Variants in FAM184B observed in about 807,000 individuals in gnomAD.
The protein encoded by FAM184B is family with sequence similarity 184 member B, also known as protein FAM184B.
In FAM184B, 111 loss-of-function variants were observed where a neutral mutation model predicts 135.9. The observed-to-expected ratio is 0.82, with a 90% CI of 0.70 to 0.96. The LOEUF (loss-of-function observed/expected upper bound fraction) is 0.96, where lower values mean the gene tolerates loss of function less well. FAM184B is among the 40% of genes least tolerant of loss of function. FAM184B has a pLI of 0.00. For synonymous variants in FAM184B, 552 were observed against 524.8 expected (o/e 1.05, Z -0.71); for missense variants, 1,375 against 1,323.9 (o/e 1.04, Z -0.60).
chr4:17,734,201 C>A (rs373778006), intron 1 of FAM184B, among the ~76,000 whole-genome samples: 3 of 152,044 alleles, frequency 2.0e-5, no homozygotes, highest in East Asian at 1.9e-4. Flanking sequence ...TAAAGACTTA[C>A]ATGTTAGACC....
intron 1 of FAM184B, among the ~76,000 whole-genome samples, chr4:17,764,341 A>G (rs1304187917): frequency 6.6e-6 from 1 of 152,088 alleles, no homozygotes; most frequent in Admixed American, 6.5e-5. Context: ...ACCTCTTTGC[A>G]CTCCACAAGA....
chr4:17,769,456 A>G (rs1191287519), intron 1 of FAM184B, among the ~76,000 whole-genome samples: 6 of 152,088 alleles, frequency 3.9e-5, no homozygotes, highest in African/African-American at 1.4e-4. Flanking sequence ...TTTATTTTAC[A>G]ACTCTGGTTC....
intron 1 of FAM184B, among the ~76,000 whole-genome samples, chr4:17,774,027 G>A (rs1196089410): frequency 6.6e-6 from 1 of 152,212 alleles, no homozygotes; most frequent in African/African-American, 2.4e-5. Flanking sequence ...GAATCCCTGG[G>A]TAGGAGGGAT....
chr4:17,702,003 G>C lies in FAM184B; in HGVS notation c.1377+2997C>G, dbSNP rs1230410721. On this transcript the variant is annotated intron_variant, in intron 5 of 17. Transcript: ENST00000265018. The stretch of plus-strand genomic sequence containing the variant: ...CACATGTCTAGTGGCTTCCGTATTA[G>C]ATAGCTCAGTCAGTTCTCCAGGCAA... 2.0e-5 allele frequency among the ~76,000 whole-genome samples: 3 copies of C among 152,166 alleles called. No individual in the cohort carries two copies. The East Asian group carries it at 5.8e-4, about 29-fold the overall frequency.
intron 10 of FAM184B, among the ~76,000 whole-genome samples, chr4:17,654,000 C>T (rs375246864): frequency 3.4e-5 from 3 of 87,922 alleles, no homozygotes; most frequent in African/African-American, 9.2e-5. Flanking sequence ...GGAACTCAGG[C>T]GGCCTCTAGA....
intron 6 of FAM184B, among the ~76,000 whole-genome samples, chr4:17,691,790 TG>T (rs749161784): frequency 7.3e-5 from 11 of 151,620 alleles, no homozygotes; most frequent in Non-Finnish European, 1.6e-4. Flanking sequence ...AAAGAATGAC[TG>T]GGCCTGTAAT....
At chr4:17,668,058 T>G (rs1172837546) in intron 7 of FAM184B, among the ~76,000 whole-genome samples, 1 of 152,228 alleles carries the variant, frequency 6.6e-6, no homozygotes, top group Non-Finnish European at 1.5e-5. Flanking sequence ...AGCTCCGTGA[T>G]GAAGGATGCC....
chr4:17,664,807 ATG>A, intron 7 of FAM184B, 148 bp from the exon 8 acceptor site: 1 of 636,478 alleles, frequency 1.6e-6, no homozygotes, highest in Non-Finnish European at 2.7e-6. Context: ...CTTGCAGGGG[ATG>A]CCAAGGCTTG....
At chr4:17,770,354 T>C (rs1312045103) in intron 1 of FAM184B, among the ~76,000 whole-genome samples, 1 of 152,200 alleles carries the variant, frequency 6.6e-6, no homozygotes, top group African/African-American at 2.4e-5. Context: ...GCTCCGACTA[T>C]GGTGGAGGTG....
intron 1 of FAM184B, among the ~76,000 whole-genome samples, chr4:17,759,983 C>A (rs950098132): frequency 3.3e-5 from 5 of 152,164 alleles, no homozygotes; most frequent in Non-Finnish European, 7.3e-5. Flanking sequence ...GTGGCAGCCG[C>A]TGATGTGATT....
chr4:17,733,185 C>A (rs1327297630), intron 1 of FAM184B, among the ~76,000 whole-genome samples: 2 of 152,036 alleles, frequency 1.3e-5, no homozygotes, highest in Non-Finnish European at 2.9e-5. Flanking sequence ...TGGGACGTAT[C>A]TCAAAATAAT....
chr4:17,763,097 T>G (rs1560195642), intron 1 of FAM184B, among the ~76,000 whole-genome samples: 1 of 152,210 alleles, frequency 6.6e-6, no homozygotes, highest in Non-Finnish European at 1.5e-5. Context: ...GCCCATTTTG[T>G]TCAGTGCTAG....
intron 13 of FAM184B, 41 bp downstream of exon 13, chr4:17,642,015 G>A: frequency 6.7e-7 from 1 of 1,499,010 alleles, no homozygotes; most frequent in Non-Finnish European, 8.8e-7. Flanking sequence ...CGGGGTAGGG[G>A]GTGAGGGTGG....
At chr4:17,775,482 G>C (rs768395356) in intron 1 of FAM184B, among the ~76,000 whole-genome samples, 36 of 152,194 alleles carry the variant, frequency 2.4e-4, no homozygotes, top group Non-Finnish European at 4.4e-4. Context: ...ACTGAGCCCA[G>C]CTAGAATAGG....
chr4:17,652,975 C>T lies in FAM184B; in HGVS notation c.2046G>A (p.Glu682=). The T allele has an allele frequency of 6.4e-7, 1 of 1,551,636 alleles. No homozygotes were observed. Among genetic ancestry groups the T allele is most frequent in the South Asian group, 1.2e-5 (1 of 84,060 alleles). Residue 682 remains glutamate (E), a synonymous_variant, in exon 11 of 18, where the codon GAG becomes GAA. Transcript: ENST00000265018. ...KARHQELKAT[E]ERLKKESSHS... ...GGCTGGATTCCTTCTTCAAGCGTTC[C>T]TCTGTGGCCTGTGGGAAAAAGTGGG...
chr4:17,691,304 T>C (rs1716727694), intron 6 of FAM184B, among the ~76,000 whole-genome samples: 1 of 152,194 alleles, frequency 6.6e-6, no homozygotes, highest in Non-Finnish European at 1.5e-5. Context: ...AAAGTTGTTA[T>C]GAGGATTAAA....
Position 17,630,612 on chromosome 4 carries a change from A to T in FAM184B, c.*1920T>A, listed in dbSNP as rs960178979. 5.9e-5 allele frequency: 9 copies of T among 152,300 alleles called. No individual in the cohort carries two copies. The highest frequency in any genetic ancestry group is 6.8e-3 in the Middle Eastern group (2 of 294). The allele number at this position is 152,300 out of a possible 1,614,324, so 9.4% of individuals were successfully genotyped here. A position where few individuals can be genotyped will look rare whatever the true frequency, so the allele number is the denominator to read the frequency against. On this transcript the variant is annotated 3_prime_UTR_variant, in exon 18 of 18. Transcript: ENST00000265018. ...TAGAGCAGCCTGAACGAACTAAGACACTCTAAGCGGGAAACTCACAAAAAA... is the reference window on the plus strand; with the variant it reads ...TAGAGCAGCCTGAACGAACTAAGACTCTCTAAGCGGGAAACTCACAAAAAA...
At chr4:17,694,721 G>A (rs534831042) in intron 5 of FAM184B, among the ~76,000 whole-genome samples, 90 of 152,244 alleles carry the variant, frequency 5.9e-4, no homozygotes, top group African/African-American at 1.9e-3. Flanking sequence ...CTCAGAGCTG[G>A]GGAGATAAAA....
At chr4:17,646,789 G>A (rs752783977) in intron 12 of FAM184B, among the ~76,000 whole-genome samples, 14 of 152,154 alleles carry the variant, frequency 9.2e-5, no homozygotes, top group East Asian at 3.9e-4. Context: ...GAAGCTGTAC[G>A]TTATGGACTG....
Sources: gnomAD v4.1 joint callset for allele counts (sites outside exome capture counted in the v4.1 genomes callset) on GRCh38, gnomAD v4.1.1 for gene constraint, MANE v1.5 for transcripts, NCBI Gene and HGNC (gene_info 2026-07-23, HGNC 2026-07-21) for gene names.